PCNX1: variants seen among roughly 807,000 people sequenced by gnomAD.
The protein encoded by PCNX1 is pecanex-like protein 1.
In PCNX1, 78 loss-of-function variants were observed where a neutral mutation model predicts 242.2. The ratio of observed to expected loss-of-function variants is 0.32; its 90% CI spans 0.27 to 0.39. The LOEUF is 0.39. Ranked by LOEUF, PCNX1 falls within the 10% of genes least tolerant of loss-of-function variation. PCNX1 has a pLI of 1.00. For synonymous variants in PCNX1, 1,024 were observed against 1,032.9 expected, an observed-to-expected ratio of 0.99 and a Z score of 0.17; for missense variants, 2,581 against 2,856.5, an observed-to-expected ratio of 0.90 and a Z score of 2.20.
At chr14:71,062,791 G>A (rs138723167) in intron 26 of PCNX1, among the ~76,000 whole-genome samples, 1 of 152,252 alleles carries the variant, frequency 6.6e-6, no homozygotes, top group African/African-American at 2.4e-5. Flanking sequence ...GACTCACCCA[G>A]AGCAACTTCC....
rs913766031 is a variant in PCNX1, at chr14:70,977,837, T to C, written c.1500T>C (p.Thr500=). The part of the protein sequence containing the change: ...ANKNPHANEF[T]SQGDRPPGNT... Reference sequence around the variant, plus strand: ...AAAATCCCCATGCAAATGAATTTACTTCCCAAGGGGACAGACCACCTGGGA... The same window carrying C: ...AAAATCCCCATGCAAATGAATTTACCTCCCAAGGGGACAGACCACCTGGGA... Residue 500 remains threonine, a synonymous_variant, in exon 6 of 36, where the codon ACT becomes ACC. Transcript: ENST00000304743. 6.2e-7 allele frequency: 1 copy of C among 1,614,108 alleles called. No homozygotes were observed. Among genetic ancestry groups the C allele is most frequent in the Middle Eastern group, 1.6e-4 (1 of 6,062 alleles).
intron 1 of PCNX1, 133 bp downstream of exon 1, chr14:70,908,136 G>GC (rs1375849396): frequency 1.6e-5 from 12 of 762,026 alleles, no homozygotes; most frequent in Non-Finnish European, 2.3e-5. Context: ...GAGGCTCCCC[G>GC]CCCCCACTGC....
rs775185675 is a variant in PCNX1 at position 71,103,387 on chromosome 14, G to A, written c.5821-8G>A. 6.2e-7 allele frequency: 1 copy of A among 1,613,492 alleles called. No homozygotes were observed. The highest frequency in any genetic ancestry group is 1.1e-5 in the South Asian group (1 of 91,048). ...CTTAACCTAATTCCCTTGTGTTCTG[G>A]TTTTCAGGTGAATAAGGAATGTGTC... is the stretch of plus-strand genomic sequence containing the variant. On this transcript the variant is annotated splice_region_variant and splice_polypyrimidine_tract_variant and intron_variant, in intron 31 of 35. Transcript: ENST00000304743.
At chr14:71,008,895 T>C (rs1005613607) in intron 8 of PCNX1, among the ~76,000 whole-genome samples, 2 of 152,192 alleles carry the variant, frequency 1.3e-5, no homozygotes, top group African/African-American at 4.8e-5. Flanking sequence ...AGGCAGTATG[T>C]AGAGTTTTAA....
In PCNX1 at chr14:70,917,847, GT is replaced by G. The variant is rs2056211648; in HGVS notation, c.153+9848del. On this transcript the variant is annotated intron_variant, in intron 1 of 35. Transcript: ENST00000304743. ...AGATGGCATATTCTTCCAGAAGGTT[GT>G]TTTATCTACACCAAAAATCTGTTGT... Among the ~76,000 whole-genome samples, 4 of 152,188 alleles carry G rather than the reference GT, an allele frequency of 2.6e-5. No individual in the cohort carries two copies. The South Asian group carries it at 6.2e-4, about 24-fold the overall frequency.
intron 1 of PCNX1, among the ~76,000 whole-genome samples, chr14:70,917,629 G>T (rs762938733): frequency 6.6e-6 from 1 of 152,114 alleles, no homozygotes; most frequent in Non-Finnish European, 1.5e-5. Context: ...GGGCTTTATT[G>T]TTCCATTTAT....
chr14:71,074,314 C>G (rs995619335), intron 27 of PCNX1, among the ~76,000 whole-genome samples: 5 of 152,154 alleles, frequency 3.3e-5, no homozygotes, highest in Admixed American at 2.0e-4. Context: ...GTCCCTAAGA[C>G]CACCCTCACT....
Position 71,046,999 on chromosome 14 carries a change from G to A in PCNX1, c.4054G>A (p.Val1352Met). 1 of 1,610,266 alleles carries A rather than the reference G, an allele frequency of 6.2e-7. No individual in the cohort carries two copies. Residue 1352 changes from valine (V) to methionine (M), a missense_variant, in exon 21 of 36, where the codon GTG becomes ATG. Transcript: ENST00000304743. ...ATMMWFEKLH[V>M]WLLFVEKNII... ...TATGATGTGGTTTGAGAAACTTCAT[G>A]TGTGGCTTCTTTTTGTGGAGAAGAA...
At chr14:70,998,474 G>A in intron 8 of PCNX1, among the ~76,000 whole-genome samples, 1 of 151,822 alleles carries the variant, frequency 6.6e-6, no homozygotes, top group Admixed American at 6.6e-5. Flanking sequence ...ACTTAGGCTG[G>A]GCTCGGTGGC....
At chr14:70,990,072 C>A (rs1252189855) in intron 7 of PCNX1, among the ~76,000 whole-genome samples, 1 of 152,034 alleles carries the variant, frequency 6.6e-6, no homozygotes, top group African/African-American at 2.4e-5. Context: ...CAAGCAAAAT[C>A]CTTGTTTCTT....
At chr14:71,039,554 C>A (rs2060646949) in intron 19 of PCNX1, among the ~76,000 whole-genome samples, 3 of 152,116 alleles carry the variant, frequency 2.0e-5, no homozygotes, top group Admixed American at 2.0e-4. Flanking sequence ...AATGACATGC[C>A]ACCATTTCTT....
intron 1 of PCNX1, among the ~76,000 whole-genome samples, chr14:70,937,472 T>C (rs1010808671): frequency 8.5e-5 from 13 of 152,198 alleles, no homozygotes; most frequent in African/African-American, 2.9e-4. Context: ...CTGAGGGCTC[T>C]GTTCTGTTCC....
chr14:71,097,168 T>C (rs1595497622), intron 30 of PCNX1, among the ~76,000 whole-genome samples: 1 of 152,222 alleles, frequency 6.6e-6, no homozygotes, highest in Non-Finnish European at 1.5e-5. Flanking sequence ...GGCTGCGTAG[T>C]ATTCCATGGT....
intron 22 of PCNX1, 123 bp downstream of exon 22, chr14:71,048,107 C>A: frequency 1.7e-6 from 1 of 592,054 alleles, no homozygotes; most frequent in Non-Finnish European, 2.8e-6. Flanking sequence ...CTCTCTTCAA[C>A]CAGTTATTTA....
At chr14:71,074,884 G>A (rs2061674104) in intron 27 of PCNX1, among the ~76,000 whole-genome samples, 1 of 151,858 alleles carries the variant, frequency 6.6e-6, no homozygotes. Flanking sequence ...CAGTATGGTT[G>A]TCACTTAGGG....
At chr14:70,954,104 T>C (rs2057898639) in intron 2 of PCNX1, among the ~76,000 whole-genome samples, 1 of 152,228 alleles carries the variant, frequency 6.6e-6, no homozygotes, top group African/African-American at 2.4e-5. Flanking sequence ...ATCAGGTAGG[T>C]TCTTAAGGCT....
chr14:70,937,871 A>T (rs533495663), intron 1 of PCNX1, among the ~76,000 whole-genome samples: 87 of 152,202 alleles, frequency 5.7e-4, no homozygotes, highest in African/African-American at 1.9e-3. Flanking sequence ...GTTGGATTCC[A>T]AGGTATTTTA....
At chr14:71,068,866 C>A (rs2061522288) in intron 26 of PCNX1, among the ~76,000 whole-genome samples, 1 of 151,390 alleles carries the variant, frequency 6.6e-6, no homozygotes, top group Non-Finnish European at 1.5e-5. Flanking sequence ...TTTGCTTGTG[C>A]CTATAGATGC....
rs2062478979 is a variant in PCNX1 at position 71,102,088 on chromosome 14, C to A, written c.5688C>A (p.Asp1896Glu). The A allele has an allele frequency of 6.2e-7, 1 of 1,613,864 alleles. No homozygotes were observed. Among genetic ancestry groups the A allele is most frequent in the Non-Finnish European group, 8.5e-7 (1 of 1,179,812 alleles). ...ACCTCGTAATAGCCCATGAAGGGGACCCTGCATGGCGGAGTGCAGTACTTG... is the reference window on the plus strand; with the variant it reads ...ACCTCGTAATAGCCCATGAAGGGGAACCTGCATGGCGGAGTGCAGTACTTG... ...EKNLVIAHEG[D>E]PAWRSAVLAN... The change falls in exon 31 of 36, where the codon GAC becomes GAA. Residue 1896 changes from aspartate (D) to glutamate (E), a missense_variant. Asp to Glu is a conservative substitution (Grantham distance 45). Around this residue, in one of 9 missense-constraint regions of PCNX1, gnomAD observed 298 missense variants for 480.1 expected, o/e 0.62. Coordinates refer to ENST00000304743, the MANE Select transcript of PCNX1 (RefSeq NM_014982.3).
Sources: gnomAD v4.1 joint callset for allele counts (sites outside exome capture counted in the v4.1 genomes callset) on GRCh38, gnomAD v4.1.1 for gene constraint, gnomAD v4.1.1 regional missense constraint, MANE v1.5 for transcripts, NCBI Gene and HGNC (gene_info 2026-07-23, HGNC 2026-07-21) for gene names.